KLHL29: variants seen among roughly 807,000 people sequenced by gnomAD.
The protein encoded by KLHL29 is kelch-like protein 29.
Under a neutral mutation model 80.4 loss-of-function variants are expected in KLHL29, and 21 were observed. The ratio of observed to expected loss-of-function variants is 0.26; its 90% CI spans 0.19 to 0.38. KLHL29 has a LOEUF of 0.38. Ranked by LOEUF, KLHL29 falls within the 10% of genes least tolerant of loss-of-function variation. The pLI is 1.00. For missense variants in KLHL29, 867 were observed against 1,223.9 expected (o/e 0.71, Z 4.35); for synonymous variants, 511 against 526.8 (o/e 0.97, Z 0.41).
intron 2 of KLHL29, among the ~76,000 whole-genome samples, chr2:23,519,600 C>T (rs1045439826): frequency 1.3e-5 from 2 of 152,148 alleles, no homozygotes; most frequent in Non-Finnish European, 2.9e-5. Flanking sequence ...AGACAGGTCT[C>T]GGTGAATTTA....
At chr2:23,529,832 G>C (rs1197780641) in intron 2 of KLHL29, among the ~76,000 whole-genome samples, 1 of 152,178 alleles carries the variant, frequency 6.6e-6, no homozygotes, top group African/African-American at 2.4e-5. Context: ...CGCATTTGCA[G>C]ACTGAGCTCT....
chr2:23,506,953 AG>A (rs1470368045), intron 2 of KLHL29: 1 of 206,742 alleles, frequency 4.8e-6, no homozygotes, highest in Non-Finnish European at 1.1e-5. Flanking sequence ...TGGGAAAGGG[AG>A]AAGAATGCTG....
chr2:23,623,012 T>A (rs1669224064), intron 3 of KLHL29, among the ~76,000 whole-genome samples: 1 of 152,172 alleles, frequency 6.6e-6, no homozygotes, highest in Non-Finnish European at 1.5e-5. Flanking sequence ...AACCTTGTCC[T>A]GCCCTCAGGA....
At chr2:23,552,132 T>C (rs1667147191) in intron 2 of KLHL29, among the ~76,000 whole-genome samples, 1 of 152,206 alleles carries the variant, frequency 6.6e-6, no homozygotes, top group Admixed American at 6.5e-5. Flanking sequence ...TAATCACGGG[T>C]CCTGTGTTGT....
chr2:23,623,231 A>G (rs369114085), intron 3 of KLHL29, among the ~76,000 whole-genome samples: 5 of 152,198 alleles, frequency 3.3e-5, no homozygotes, highest in African/African-American at 9.6e-5. Context: ...CCAGGTTCCA[A>G]CGGACCCGAC....
Position 23,562,800 on chromosome 2 carries a change from G to C in KLHL29, c.285+319G>C, listed in dbSNP as rs909577397. Among the ~76,000 whole-genome samples, 1 of 152,194 alleles carries C rather than the reference G, an allele frequency of 6.6e-6. No individual in the cohort carries two copies. Among genetic ancestry groups the C allele is most frequent in the African/African-American group, 2.4e-5 (1 of 41,448 alleles). On this transcript the variant is annotated intron_variant, in intron 3 of 13. Coordinates refer to ENST00000486442, the MANE Select transcript of KLHL29 (RefSeq NM_052920.2). The surrounding 1 kb of genome is among the most constrained non-coding windows in gnomAD (Gnocchi z 4.5). Reference sequence around the variant, plus strand: ...TGGACCTCCAAGATGGCAATATGGGGTTCCTAAATAGATAAATTGAGACCA... The same window carrying C: ...TGGACCTCCAAGATGGCAATATGGGCTTCCTAAATAGATAAATTGAGACCA...
In KLHL29 at chr2:23,680,511, C is replaced by T. The variant is rs1227716081; in HGVS notation, c.941-3888C>T. On this transcript the variant is annotated intron_variant, in intron 5 of 13. Coordinates refer to ENST00000486442, the MANE Select transcript of KLHL29 (RefSeq NM_052920.2). The surrounding 1 kb of genome is among the most constrained non-coding windows in gnomAD (Gnocchi z 4.1). Reference sequence around the variant, plus strand: ...GAGACCCAAAAACAACCTCTGGGGCCGACCAACAGGGACAGATGCTGAGGC... The same window carrying T: ...GAGACCCAAAAACAACCTCTGGGGCTGACCAACAGGGACAGATGCTGAGGC... 3.3e-5 allele frequency among the ~76,000 whole-genome samples: 5 copies of T among 152,294 alleles called. No individual in the cohort carries two copies. The highest frequency in any genetic ancestry group is 4.4e-5 in the Non-Finnish European group (3 of 68,016).
chr2:23,553,177 G>T (rs1449418875), intron 2 of KLHL29, among the ~76,000 whole-genome samples: 1 of 152,200 alleles, frequency 6.6e-6, no homozygotes, highest in Admixed American at 6.5e-5. Context: ...AGCAGATGCT[G>T]CTGGAAACTT....
intron 1 of KLHL29, among the ~76,000 whole-genome samples, chr2:23,389,052 C>G (rs1338492086): frequency 3.8e-5 from 5 of 132,772 alleles, no homozygotes; most frequent in Admixed American, 3.4e-4. Flanking sequence ...TTTGTGTCAT[C>G]GGTTGTATCT....
intron 1 of KLHL29, among the ~76,000 whole-genome samples, chr2:23,453,080 T>C (rs376110018): frequency 6.6e-5 from 10 of 151,656 alleles, no homozygotes; most frequent in Admixed American, 2.6e-4. Context: ...AACTGTGTTG[T>C]CTCCTTTTAT....
At chr2:23,475,048 T>C (rs1664594398) in intron 1 of KLHL29, among the ~76,000 whole-genome samples, 1 of 152,206 alleles carries the variant, frequency 6.6e-6, no homozygotes, top group Admixed American at 6.5e-5. Flanking sequence ...ACCTATTCTT[T>C]GCCTCCTCAA....
chr2:23,448,587 C>T (rs550752118), intron 1 of KLHL29, among the ~76,000 whole-genome samples: 1 of 152,258 alleles, frequency 6.6e-6, no homozygotes, highest in African/African-American at 2.4e-5. Context: ...ATGGCTGGAC[C>T]CTCAAGATTG....
chr2:23,644,389 G>A (rs1207641662), intron 5 of KLHL29: 3 of 152,210 alleles, frequency 2.0e-5, no homozygotes, highest in Non-Finnish European at 2.9e-5. Flanking sequence ...CCAAGGCACC[G>A]GGTGGCATAT....
chr2:23,706,858 C>T lies in KLHL29; in HGVS notation c.*194C>T. ...GCCTTTGGATGAAACGGAGGCACCG[C>T]GCTTGGAGCCGCAGGAACCACGATC... On this transcript the variant is annotated 3_prime_UTR_variant, in exon 14 of 14. Transcript: ENST00000486442. 4 of 504,250 alleles carry T rather than the reference C, an allele frequency of 7.9e-6. No individual in the cohort carries two copies. Among genetic ancestry groups the T allele is most frequent in the Non-Finnish European group, 1.3e-5 (4 of 296,962 alleles). The allele number at this position is 504,250 out of a possible 1,614,324, so 31.2% of individuals were successfully genotyped here. A position where few individuals can be genotyped will look rare whatever the true frequency, so the allele number is the denominator to read the frequency against.
intron 1 of KLHL29, among the ~76,000 whole-genome samples, chr2:23,421,765 T>TGTGTGTGTGTGTGG (rs1662817496): frequency 6.6e-6 from 1 of 151,156 alleles, no homozygotes; most frequent in African/African-American, 2.4e-5. Flanking sequence ...TGTGTGTGTG[T>TGTGTGTGTGTGTGG]GTCTGTGTGC....
rs571248540 is a variant in KLHL29, at chr2:23,660,614, C to A, written c.940+17764C>A. On this transcript the variant is annotated intron_variant, in intron 5 of 13. Coordinates refer to ENST00000486442, the MANE Select transcript of KLHL29 (RefSeq NM_052920.2). ...GGGGCACAGATAACTGTCCCCACAG[C>A]CCCCAGCTCACCAGGCTCCAGCCTT... Among the ~76,000 whole-genome samples, 9 of 152,356 alleles carry A rather than the reference C, an allele frequency of 5.9e-5. No homozygotes were observed. In the East Asian group the frequency reaches 1.4e-3, roughly 23 times the overall value.
chr2:23,643,613 C>CTG (rs1162574186), intron 5 of KLHL29: 1 of 156,314 alleles, frequency 6.4e-6, no homozygotes, highest in Non-Finnish European at 1.4e-5. Flanking sequence ...TGATGTCTGT[C>CTG]TGAGGGATCA....
intron 3 of KLHL29, among the ~76,000 whole-genome samples, chr2:23,612,557 C>A (rs141034471): frequency 9.3e-4 from 141 of 152,230 alleles, no homozygotes; most frequent in African/African-American, 3.2e-3. Context: ...GCCTGGCCAA[C>A]ATGGAGAAAC....
chr2:23,448,618 G>A (rs1663778420), intron 1 of KLHL29, among the ~76,000 whole-genome samples: 1 of 152,182 alleles, frequency 6.6e-6, no homozygotes, highest in African/African-American at 2.4e-5. Flanking sequence ...AGTCAGGAAA[G>A]TTGAGAATCA....
Sources: allele counts gnomAD v4.1 joint callset (sites outside exome capture counted in the v4.1 genomes callset), GRCh38; gene constraint gnomAD v4.1.1; non-coding constraint Gnocchi (gnomAD v3.1); transcripts MANE v1.5; gene names NCBI Gene and HGNC (gene_info 2026-07-23, HGNC 2026-07-21).